Variants in ZNF423 observed in about 807,000 individuals in gnomAD.
ZNF423 encodes zinc finger protein 423.
ZNF423 carries 12 observed loss-of-function variants against 95.8 expected under a neutral mutation model. The ratio of observed to expected loss-of-function variants is 0.13; its 90% CI spans 0.08 to 0.20. ZNF423 has a LOEUF of 0.20. Among genes scored for constraint, ZNF423 ranks in the 10% least tolerant of loss-of-function variants. ZNF423 has a pLI of 1.00. For synonymous variants in ZNF423, 749 were observed against 711.9 expected (o/e 1.05, Z -0.83); for missense variants, 1,316 against 1,737.1 (o/e 0.76, Z 4.31).
At chr16:49,518,585 CAAA>C in intron 7 of ZNF423, 215 of 374,134 alleles carry the variant, frequency 5.7e-4, no homozygotes, top group Admixed American at 1.5e-3. Context: ...TGTTCCATTG[CAAA>C]AAAAAAAAAA....
intron 5 of ZNF423, among the ~76,000 whole-genome samples, chr16:49,550,745 A>G (rs1310739205): frequency 1.3e-5 from 2 of 152,208 alleles, no homozygotes; most frequent in African/African-American, 4.8e-5. Flanking sequence ...GGTCTCCCCA[A>G]AGGGGCTCTC....
intron 3 of ZNF423, among the ~76,000 whole-genome samples, chr16:49,703,634 TC>T (rs1331087769): frequency 1.3e-5 from 2 of 152,176 alleles, no homozygotes; most frequent in African/African-American, 4.8e-5. Context: ...GGACAAAGGC[TC>T]CAGAGAGGCA....
At chr16:49,617,765 C>T (rs537328269) in intron 5 of ZNF423, among the ~76,000 whole-genome samples, 7 of 152,260 alleles carry the variant, frequency 4.6e-5, no homozygotes, top group African/African-American at 1.7e-4. Flanking sequence ...CACTGCTGCC[C>T]ACCCCCATCT....
At chr16:49,615,130 TCACACACA>T (rs61428028) in intron 5 of ZNF423, among the ~76,000 whole-genome samples, 10 of 141,246 alleles carry the variant, frequency 7.1e-5, no homozygotes, top group African/African-American at 2.4e-4. Context: ...AAACTCCATC[TCACACACA>T]CACACACACA....
intron 5 of ZNF423, among the ~76,000 whole-genome samples, chr16:49,567,535 G>A (rs1378717005): frequency 2.0e-5 from 3 of 152,072 alleles, no homozygotes; most frequent in Admixed American, 6.5e-5. Context: ...CTCGGTCGCC[G>A]TTCATGCTGG....
intron 3 of ZNF423, among the ~76,000 whole-genome samples, chr16:49,654,140 T>A (rs886464807): frequency 5.9e-5 from 9 of 152,190 alleles, no homozygotes; most frequent in Non-Finnish European, 1.2e-4. Flanking sequence ...AATGACTCCA[T>A]AGATCTCCAG....
intron 5 of ZNF423, among the ~76,000 whole-genome samples, chr16:49,558,948 G>A (rs1969930223): frequency 6.6e-6 from 1 of 152,186 alleles, no homozygotes; most frequent in Admixed American, 6.5e-5. Flanking sequence ...ACTCAGTAAG[G>A]GGGTCTCAGA....
chr16:49,815,881 A>AAAATATAT (rs1185501557), intron 1 of ZNF423, among the ~76,000 whole-genome samples: 1 of 47,608 alleles, frequency 2.1e-5, no homozygotes, highest in African/African-American at 9.9e-5. Context: ...AAAAAAAAAA[A>AAAATATAT]ATATATATAT....
At chr16:49,765,006 G>T (rs143378518) in intron 2 of ZNF423, among the ~76,000 whole-genome samples, 473 of 150,424 alleles carry the variant, frequency 3.1e-3, no homozygotes, top group African/African-American at 0.011. Context: ...TGATTTGCCC[G>T]CCTCATCTCC....
intron 7 of ZNF423, among the ~76,000 whole-genome samples, chr16:49,514,195 C>CACAA (rs1968026789): frequency 8.2e-6 from 1 of 121,602 alleles, no homozygotes; most frequent in East Asian, 2.3e-4. Context: ...AACACACACA[C>CACAA]ACACACACAC....
intron 7 of ZNF423, among the ~76,000 whole-genome samples, chr16:49,497,666 G>C (rs2151652725): frequency 6.6e-6 from 1 of 152,288 alleles, no homozygotes; most frequent in Non-Finnish European, 1.5e-5. Flanking sequence ...CCACTCCCTG[G>C]CAGGTTCCAG....
chr16:49,502,895 C>T (rs1435999427), intron 7 of ZNF423, among the ~76,000 whole-genome samples: 1 of 118,828 alleles, frequency 8.4e-6, no homozygotes, highest in Non-Finnish European at 1.7e-5. Flanking sequence ...TAGGTCCCCA[C>T]AATCCCATGT....
At chr16:49,660,916 A>T (rs185916385) in intron 3 of ZNF423, among the ~76,000 whole-genome samples, 2 of 152,284 alleles carry the variant, frequency 1.3e-5, no homozygotes, top group East Asian at 3.9e-4. Context: ...CTCAGATTCC[A>T]TGCTCTTAAA....
rs766850851 is a variant in ZNF423 at position 49,638,024 on chromosome 16, G to C, written c.1152C>G (p.Ala384=). ...SMSSATPDSS[A]SVERGSTPDS... ...CCGGGGTGGAGCCACGCTCCACAGAGGCGCTGGAGTCGGGTGTGGCGCTGC... is the reference window on the plus strand; with the variant it reads ...CCGGGGTGGAGCCACGCTCCACAGACGCGCTGGAGTCGGGTGTGGCGCTGC... Residue 384 remains alanine (A), a synonymous_variant, in exon 4 of 8, where the codon GCC becomes GCG. Coordinates refer to ENST00000563137, the MANE Select transcript of ZNF423 (RefSeq NM_001379286.1). The surrounding 1 kb of genome is among the most constrained non-coding windows in gnomAD (Gnocchi z 5.6). 4 of 1,614,130 alleles carry C rather than the reference G, an allele frequency of 2.5e-6. No individual in the cohort carries two copies. The highest frequency in any genetic ancestry group is 2.5e-6 in the Non-Finnish European group (3 of 1,180,036).
At chr16:49,549,408 AT>A (rs752383636) in intron 5 of ZNF423, among the ~76,000 whole-genome samples, 19 of 152,200 alleles carry the variant, frequency 1.2e-4, no homozygotes, top group Non-Finnish European at 2.1e-4. Flanking sequence ...AGGCAAGTGC[AT>A]GATTCTGCTT....
chr16:49,772,731 A>C (rs753860599), intron 2 of ZNF423, among the ~76,000 whole-genome samples: 1 of 152,110 alleles, frequency 6.6e-6, no homozygotes, highest in South Asian at 2.1e-4. Context: ...ACATCTTAAA[A>C]CCCCAGAGTC....
chr16:49,743,082 G>T (rs2033448384), intron 2 of ZNF423, among the ~76,000 whole-genome samples: 1 of 152,060 alleles, frequency 6.6e-6, no homozygotes, highest in African/African-American at 2.4e-5. Flanking sequence ...CACTGTGCCA[G>T]GGGCAGGCCT....
intron 5 of ZNF423, among the ~76,000 whole-genome samples, chr16:49,532,055 A>C (rs1473014529): frequency 6.6e-6 from 1 of 152,214 alleles, no homozygotes; most frequent in Admixed American, 6.5e-5. Context: ...GAGCTGTCCC[A>C]CTGCTTTGAC....
chr16:49,649,592 ACT>A (rs1973313040), intron 3 of ZNF423, among the ~76,000 whole-genome samples: 2 of 151,886 alleles, frequency 1.3e-5, no homozygotes, highest in African/African-American at 4.8e-5. Context: ...TCAATTAATT[ACT>A]GTTTAAACAT....
Sources: gnomAD v4.1 joint callset for allele counts (sites outside exome capture counted in the v4.1 genomes callset) on GRCh38, gnomAD v4.1.1 for gene constraint, Gnocchi (gnomAD v3.1) non-coding constraint, MANE v1.5 for transcripts, NCBI Gene and HGNC (gene_info 2026-07-23, HGNC 2026-07-21) for gene names.